DEK: variants seen among roughly 807,000 people sequenced by gnomAD.
DEK encodes protein DEK.
DEK carries 28 observed loss-of-function variants against 46.8 expected under a neutral mutation model. That is an observed-to-expected ratio of 0.60 (90% CI 0.44 to 0.82). The LOEUF is 0.82. DEK is among the 40% of genes least tolerant of loss of function. The pLI is 0.00. For missense variants in DEK, 416 were observed against 430.6 expected (o/e 0.97, Z 0.30); for synonymous variants, 160 against 144.5 (o/e 1.11, Z -0.77).
At chr6:18,235,076 T>A (rs150568736) in intron 9 of DEK, among the ~76,000 whole-genome samples, 1 of 152,206 alleles carries the variant, frequency 6.6e-6, no homozygotes, top group Non-Finnish European at 1.5e-5. Context: ...CTCCACACTG[T>A]CATTTTAATG....
chr6:18,263,688 A>C (rs1256110802), intron 2 of DEK, among the ~76,000 whole-genome samples, 155 bp downstream of exon 2: 1 of 152,238 alleles, frequency 6.6e-6, no homozygotes, highest in Non-Finnish European at 1.5e-5. Context: ...ATCGCTCAAA[A>C]CAAAAGCAGA....
intron 7 of DEK, among the ~76,000 whole-genome samples, chr6:18,247,678 G>GA (rs1791182001): frequency 6.9e-6 from 1 of 145,580 alleles, no homozygotes; most frequent in African/African-American, 2.5e-5. Flanking sequence ...AAATGCTCTC[G>GA]TTTTTTTTTT....
intron 2 of DEK, among the ~76,000 whole-genome samples, chr6:18,258,944 T>G (rs930820261): frequency 8.5e-5 from 13 of 152,216 alleles, no homozygotes; most frequent in African/African-American, 2.9e-4. Context: ...AAGTTTACAT[T>G]TAATGCAATC....
chr6:18,259,430 A>AAAAAAAAAAAAAAAAAAAAAAT lies in DEK; in HGVS notation c.146-1026_146-1025insATTTTTTTTTTTTTTTTTTTTT, dbSNP rs1554162685. ...AAAAAAAAAAAAAAAAAAAAAAAAA[A>AAAAAAAAAAAAAAAAAAAAAAT]AAATCTAGAAAACAGGTAGCATATA... On this transcript the variant is annotated intron_variant, in intron 2 of 10. Coordinates refer to ENST00000652689, the MANE Select transcript of DEK (RefSeq NM_003472.4). 3.1e-5 allele frequency among the ~76,000 whole-genome samples: 3 copies of AAAAAAAAAAAAAAAAAAAAAAT among 96,844 alleles called. 1 individual carries two copies. Among genetic ancestry groups the AAAAAAAAAAAAAAAAAAAAAAT allele is most frequent in the East Asian group, 4.4e-4 (1 of 2,272 alleles). The allele number at this position is 96,844 out of a possible 152,430, so 63.5% of individuals were successfully genotyped here.
At chr6:18,255,704 A>T in intron 6 of DEK, 27 bp downstream of exon 6, 1 of 1,581,194 alleles carries the variant, frequency 6.3e-7, no homozygotes, top group Non-Finnish European at 8.5e-7. Context: ...TAACTGATTT[A>T]TGAAAAAAAT....
Position 18,243,704 on chromosome 6 carries a change from A to T in DEK, c.762+5947T>A, listed in dbSNP as rs190771611. ...AGAAATCCTATAATGCTAAGTATCAAATGGCATTTGCTTGGAAAATATCTT... is the reference window on the plus strand; with the variant it reads ...AGAAATCCTATAATGCTAAGTATCATATGGCATTTGCTTGGAAAATATCTT... On this transcript the variant is annotated intron_variant, in intron 7 of 10. Transcript: ENST00000652689. 1.4e-4 allele frequency among the ~76,000 whole-genome samples: 22 copies of T among 152,328 alleles called. No individual in the cohort carries two copies. The East Asian group carries it at 4.2e-3, about 29-fold the overall frequency.
intron 9 of DEK, among the ~76,000 whole-genome samples, chr6:18,234,855 G>A (rs1207041603): frequency 1.3e-5 from 2 of 152,072 alleles, no homozygotes; most frequent in African/African-American, 2.4e-5. Context: ...GCTTGAAACA[G>A]AAGTTACTTT....
At chr6:18,253,709 C>T (rs369286254) in intron 6 of DEK, among the ~76,000 whole-genome samples, 12 of 152,156 alleles carry the variant, frequency 7.9e-5, no homozygotes, top group African/African-American at 2.6e-4. Flanking sequence ...ATGTGAGGCT[C>T]GGTTTTCTTC....
intron 6 of DEK, among the ~76,000 whole-genome samples, chr6:18,250,218 C>T (rs1791305710): frequency 6.6e-6 from 1 of 152,052 alleles, no homozygotes; most frequent in African/African-American, 2.4e-5. Flanking sequence ...CACTGCCAAC[C>T]CAGCACTTTG....
At chr6:18,243,295 A>AC (rs1790977005) in intron 7 of DEK, among the ~76,000 whole-genome samples, 1 of 151,504 alleles carries the variant, frequency 6.6e-6, no homozygotes. Flanking sequence ...ACTGAGTGGT[A>AC]CTTCCTGGAA....
At chr6:18,237,945 C>A (rs953745473) in intron 7 of DEK, among the ~76,000 whole-genome samples, 2 of 145,576 alleles carry the variant, frequency 1.4e-5, no homozygotes, top group Non-Finnish European at 3.0e-5. Context: ...TGGTTCACTG[C>A]AACCTCTGCC....
intron 7 of DEK, among the ~76,000 whole-genome samples, chr6:18,239,615 G>T (rs1790817770): frequency 6.6e-6 from 1 of 152,028 alleles, no homozygotes; most frequent in African/African-American, 2.4e-5. Context: ...ACATTTTTAA[G>T]GTGTCAAGGG....
At chr6:18,234,694 T>A (rs533532643) in intron 9 of DEK, among the ~76,000 whole-genome samples, 2 of 152,278 alleles carry the variant, frequency 1.3e-5, no homozygotes, top group East Asian at 3.9e-4. Flanking sequence ...CATCAATGGT[T>A]CTTAATTTTG....
intron 7 of DEK, among the ~76,000 whole-genome samples, chr6:18,247,108 T>C (rs1791153935): frequency 6.6e-6 from 1 of 152,166 alleles, no homozygotes; most frequent in African/African-American, 2.4e-5. Context: ...GAACTGAGTC[T>C]TCATAAAATG....
rs1325476018 is a variant in DEK, at chr6:18,224,104, C to G, written c.*1615G>C. ...TAGGGCTGAATCAATTTAAAAATCC[C>G]TTTTCAGAATTATTCCCCATAAGGA... On this transcript the variant is annotated 3_prime_UTR_variant, in exon 11 of 11. Coordinates refer to ENST00000652689, the MANE Select transcript of DEK (RefSeq NM_003472.4). 1 of 164,228 alleles carries G rather than the reference C, an allele frequency of 6.1e-6. No individual in the cohort carries two copies. Among genetic ancestry groups the G allele is most frequent in the Non-Finnish European group, 1.3e-5 (1 of 74,940 alleles). 10.2% of individuals were successfully genotyped at this position (164,228 alleles called of 1,614,324 possible).
chr6:18,256,561 T>A, intron 4 of DEK, 106 bp from the exon 5 acceptor site: 1 of 835,002 alleles, frequency 1.2e-6, no homozygotes, highest in Non-Finnish European at 1.9e-6. Flanking sequence ...TACCTGTCTG[T>A]AAGTTACAAT....
In DEK at chr6:18,252,509, CAA is replaced by C. The variant is rs61626818; in HGVS notation, c.574-2672_574-2671del. Among the ~76,000 whole-genome samples the C allele has an allele frequency of 5.1e-4, 15 of 29,138 alleles. No homozygotes were observed. The South Asian group carries it at 0.012, about 23-fold the overall frequency. The allele number at this position is 29,138 out of a possible 152,430, so 19.1% of individuals were successfully genotyped here. The stretch of plus-strand genomic sequence containing the variant: ...AGGCAACAGAGTAAAACGCTGTCTC[CAA>C]AAAAAAAAAAAAAAAAAAAAAAAAG... On this transcript the variant is annotated intron_variant, in intron 6 of 10. Transcript: ENST00000652689.
At chr6:18,259,721 T>C (rs576733412) in intron 2 of DEK, among the ~76,000 whole-genome samples, 4 of 152,208 alleles carry the variant, frequency 2.6e-5, no homozygotes, top group African/African-American at 9.6e-5. Flanking sequence ...GATACACAAA[T>C]AAATTGCTGT....
intron 9 of DEK, among the ~76,000 whole-genome samples, chr6:18,234,779 A>G (rs1011332457): frequency 6.6e-6 from 1 of 151,854 alleles, no homozygotes; most frequent in African/African-American, 2.4e-5. Flanking sequence ...CTCCACCCCT[A>G]CTACCCATTA....
Sources: allele counts gnomAD v4.1 joint callset (sites outside exome capture counted in the v4.1 genomes callset), GRCh38; gene constraint gnomAD v4.1.1; transcripts MANE v1.5; gene names NCBI Gene and HGNC (gene_info 2026-07-23, HGNC 2026-07-21).